Variants in SPAG16 observed in about 807,000 individuals in gnomAD.
The protein encoded by SPAG16 is sperm-associated antigen 16 protein.
SPAG16 carries 86 observed loss-of-function variants against 80.4 expected under a neutral mutation model. The observed-to-expected ratio is 1.07, with a 90% CI of 0.90 to 1.28. The LOEUF (loss-of-function observed/expected upper bound fraction) is 1.28, where lower values mean the gene tolerates loss of function less well. Ranked by LOEUF, SPAG16 falls within the 50% of genes most tolerant of loss-of-function variation. SPAG16 has a pLI of 0.00. For missense variants in SPAG16, 870 were observed against 765.3 expected (o/e 1.14, Z -1.61); for synonymous variants, 294 against 265.9 (o/e 1.11, Z -1.03).
chr2:213,740,735 G>A (rs999574626), intron 10 of SPAG16, among the ~76,000 whole-genome samples: 4 of 152,200 alleles, frequency 2.6e-5, no homozygotes, highest in African/African-American at 9.7e-5. Flanking sequence ...GTAAGAGGAA[G>A]AGAAAGGGTA....
intron 9 of SPAG16, among the ~76,000 whole-genome samples, chr2:213,433,577 A>G (rs1007806589): frequency 6.6e-6 from 1 of 152,194 alleles, no homozygotes; most frequent in African/African-American, 2.4e-5. Context: ...AAATTACAAA[A>G]TACTGATGAA....
chr2:213,640,186 CT>C (rs1465175119), intron 10 of SPAG16, among the ~76,000 whole-genome samples: 1 of 151,928 alleles, frequency 6.6e-6, no homozygotes, highest in African/African-American at 2.4e-5. Flanking sequence ...TTGTTTTCTC[CT>C]TTCTTTGGTG....
chr2:214,040,833 A>G (rs2048966481), intron 13 of SPAG16, among the ~76,000 whole-genome samples: 1 of 152,162 alleles, frequency 6.6e-6, no homozygotes, highest in South Asian at 2.1e-4. Flanking sequence ...ATTACTAATC[A>G]ATTTTCTCTG....
intron 10 of SPAG16, among the ~76,000 whole-genome samples, chr2:213,839,454 T>A (rs1224440565): frequency 6.6e-6 from 1 of 152,254 alleles, no homozygotes; most frequent in Non-Finnish European, 1.5e-5. Context: ...TATGAAACTG[T>A]CTACCATATC....
chr2:213,679,906 A>G (rs1574781264), intron 10 of SPAG16, among the ~76,000 whole-genome samples: 1 of 152,152 alleles, frequency 6.6e-6, no homozygotes, highest in Non-Finnish European at 1.5e-5. Flanking sequence ...TAATCTATTC[A>G]CCAATTTGGT....
intron 11 of SPAG16, among the ~76,000 whole-genome samples, chr2:213,887,010 G>T (rs1160687537): frequency 4.6e-5 from 7 of 151,952 alleles, no homozygotes; most frequent in Admixed American, 3.9e-4. Flanking sequence ...TGAAATATAA[G>T]ATTTTTTTTC....
intron 9 of SPAG16, among the ~76,000 whole-genome samples, chr2:213,471,005 C>T (rs1000590712): frequency 6.6e-6 from 1 of 152,208 alleles, no homozygotes; most frequent in African/African-American, 2.4e-5. Context: ...CTGGCCATTT[C>T]TCTATCCATG....
chr2:214,242,703 A>G (rs1208391944), intron 15 of SPAG16, among the ~76,000 whole-genome samples: 1 of 152,218 alleles, frequency 6.6e-6, no homozygotes, highest in Non-Finnish European at 1.5e-5. Flanking sequence ...AACAAAATAA[A>G]TGCCCACTGT....
chr2:213,535,484 A>G (rs1283392023), intron 10 of SPAG16, among the ~76,000 whole-genome samples: 1 of 152,156 alleles, frequency 6.6e-6, no homozygotes, highest in African/African-American at 2.4e-5. Flanking sequence ...CATTTATGCT[A>G]AGTGCATACA....
intron 10 of SPAG16, among the ~76,000 whole-genome samples, chr2:213,494,045 C>T (rs557943808): frequency 6.6e-6 from 1 of 152,228 alleles, no homozygotes; most frequent in Admixed American, 6.5e-5. Context: ...CACCTCTGAC[C>T]ACTCCTGCTT....
At chr2:214,222,454 T>C (rs546006693) in intron 15 of SPAG16, among the ~76,000 whole-genome samples, 2 of 152,176 alleles carry the variant, frequency 1.3e-5, no homozygotes, top group Non-Finnish European at 2.9e-5. Context: ...ATGACCTATT[T>C]GGAGCCAGAA....
intron 9 of SPAG16, among the ~76,000 whole-genome samples, chr2:213,430,195 A>T (rs1242875319): frequency 6.6e-6 from 1 of 152,276 alleles, no homozygotes; most frequent in Non-Finnish European, 1.5e-5. Flanking sequence ...TGAAAGGATT[A>T]CAAAATACAA....
chr2:213,397,081 G>A (rs1481309697), intron 9 of SPAG16, among the ~76,000 whole-genome samples: 1 of 152,144 alleles, frequency 6.6e-6, no homozygotes, highest in Non-Finnish European at 1.5e-5. Flanking sequence ...CATCCATTGA[G>A]GTTCTGGTAA....
intron 10 of SPAG16, among the ~76,000 whole-genome samples, chr2:213,654,894 T>C (rs762982716): frequency 1.3e-4 from 20 of 152,186 alleles, no homozygotes; most frequent in Non-Finnish European, 2.9e-4. Flanking sequence ...TTAAGGGATG[T>C]TTAAACGGTG....
chr2:214,269,332 C>A (rs1412016013), intron 15 of SPAG16, among the ~76,000 whole-genome samples: 1 of 151,918 alleles, frequency 6.6e-6, no homozygotes, highest in Non-Finnish European at 1.5e-5. Flanking sequence ...TGTGACCTCC[C>A]AAATATAGAA....
intron 9 of SPAG16, among the ~76,000 whole-genome samples, chr2:213,429,007 G>C (rs1294438086): frequency 6.6e-6 from 1 of 151,624 alleles, no homozygotes; most frequent in African/African-American, 2.4e-5. Context: ...CAGGAGAATT[G>C]CTTGAACCTG....
At chr2:214,171,311 A>G (rs2125634472) in intron 15 of SPAG16, among the ~76,000 whole-genome samples, 1 of 152,048 alleles carries the variant, frequency 6.6e-6, no homozygotes. Context: ...ACATTGAAAT[A>G]GATAGTTTAT....
chr2:213,925,059 T>C (rs1385842348), intron 11 of SPAG16, among the ~76,000 whole-genome samples: 1 of 152,130 alleles, frequency 6.6e-6, no homozygotes, highest in African/African-American at 2.4e-5. Context: ...TGACTGAATT[T>C]AGTAAAGCCT....
intron 10 of SPAG16, among the ~76,000 whole-genome samples, chr2:213,768,538 GT>G (rs1297669856): frequency 1.3e-5 from 2 of 152,158 alleles, no homozygotes; most frequent in African/African-American, 2.4e-5. Flanking sequence ...AGGTGACTGG[GT>G]ATGGAAGGTG....
Sources: gnomAD v4.1 joint callset for allele counts (sites outside exome capture counted in the v4.1 genomes callset) on GRCh38, gnomAD v4.1.1 for gene constraint, MANE v1.5 for transcripts, NCBI Gene and HGNC (gene_info 2026-07-23, HGNC 2026-07-21) for gene names.